CNGB3: variants seen among roughly 807,000 people sequenced by gnomAD.
The protein encoded by CNGB3 is cyclic nucleotide-gated channel beta-3.
CNGB3 carries 86 observed loss-of-function variants against 92.8 expected under a neutral mutation model. The observed-to-expected ratio is 0.93, with a 90% CI of 0.78 to 1.11. The LOEUF (loss-of-function observed/expected upper bound fraction) is 1.11. Among genes scored for constraint, CNGB3 ranks in the 50% least tolerant of loss-of-function variants. The pLI, the probability that CNGB3 is intolerant of heterozygous loss-of-function variation, is 0.00. For synonymous variants in CNGB3, 333 were observed against 332.7 expected, an observed-to-expected ratio of 1.00 and a Z score of -0.01; for missense variants, 1,026 against 956.8, an observed-to-expected ratio of 1.07 and a Z score of -0.95.
chr8:86,630,083 T>C (rs1462248764), intron 11 of CNGB3, among the ~76,000 whole-genome samples: 1 of 152,216 alleles, frequency 6.6e-6, no homozygotes, highest in Non-Finnish European at 1.5e-5. Flanking sequence ...TTTCCATTTT[T>C]AGAGCCAAAA....
chr8:86,690,957 T>A (rs565718230), intron 3 of CNGB3, among the ~76,000 whole-genome samples: 30 of 152,370 alleles, frequency 2.0e-4, no homozygotes, highest in African/African-American at 7.0e-4. Flanking sequence ...TTTTGGTTAC[T>A]GTAGCCTTGT....
At chr8:86,593,451 T>G (rs1350473610) in intron 15 of CNGB3, among the ~76,000 whole-genome samples, 1 of 152,218 alleles carries the variant, frequency 6.6e-6, no homozygotes, top group Middle Eastern at 3.2e-3. Context: ...TGTGAAATAT[T>G]TGTACAAAGT....
chr8:86,587,833 T>C (rs1392797770), intron 15 of CNGB3, among the ~76,000 whole-genome samples: 1 of 151,958 alleles, frequency 6.6e-6, no homozygotes, highest in Non-Finnish European at 1.5e-5. Context: ...TCTTTTTTGG[T>C]TCCATATGAA....
At position 86,590,495 on chromosome 8, in the gene CNGB3, G is replaced by A. The variant is rs1470018794; in HGVS notation, c.1782-11243C>T. Among the ~76,000 whole-genome samples the A allele has an allele frequency of 1.1e-4, 16 of 152,062 alleles. 1 individual carries two copies. The highest frequency in any genetic ancestry group is 1.9e-4 in the Non-Finnish European group (13 of 68,030). ...GCTGGTACCAGTTCTTCCTTTCCAT[G>A]TTTAGCGCTTCCTTCAGGAGCTCTT... On this transcript the variant is annotated intron_variant, in intron 15 of 17. Transcript: ENST00000320005.
intron 2 of CNGB3, among the ~76,000 whole-genome samples, chr8:86,727,195 A>G (rs1825075820): frequency 6.6e-6 from 1 of 152,176 alleles, no homozygotes; most frequent in African/African-American, 2.4e-5. Flanking sequence ...TATGCAGCAC[A>G]TGATTGTAAT....
In CNGB3 at chr8:86,644,614, T is replaced by C. The variant is rs1823261251; in HGVS notation, c.1055+8A>G. 1.9e-6 allele frequency: 3 copies of C among 1,600,798 alleles called. No homozygotes were observed. The African/African-American group carries it at 4.0e-5, about 21-fold the overall frequency. On this transcript the variant is annotated splice_region_variant and intron_variant, in intron 9 of 17. Coordinates refer to ENST00000320005, the MANE Select transcript of CNGB3 (RefSeq NM_019098.5). ...CCCTTCCCCCAAGTATACTGAGTTA[T>C]ACTTTACCTGTAGATATATGCTTTG...
At chr8:86,687,131 A>G (rs971516576) in intron 3 of CNGB3, among the ~76,000 whole-genome samples, 4 of 152,024 alleles carry the variant, frequency 2.6e-5, no homozygotes, top group African/African-American at 9.7e-5. Flanking sequence ...ATGGACAATA[A>G]GTGTTGGTGA....
intron 15 of CNGB3, among the ~76,000 whole-genome samples, chr8:86,589,016 T>G (rs908554415): frequency 2.6e-5 from 4 of 152,178 alleles, no homozygotes; most frequent in African/African-American, 9.6e-5. Flanking sequence ...CAATTTCAGA[T>G]CCTGTTATTG....
intron 3 of CNGB3, among the ~76,000 whole-genome samples, chr8:86,691,303 A>G (rs1824306878): frequency 2.0e-5 from 3 of 152,146 alleles, no homozygotes; most frequent in Admixed American, 6.5e-5. Context: ...TAGGTATACA[A>G]TCATATCATT....
chr8:86,713,999 C>T (rs113052597), intron 3 of CNGB3, among the ~76,000 whole-genome samples: 245 of 152,216 alleles, frequency 1.6e-3, no homozygotes, highest in African/African-American at 5.2e-3. Context: ...TTGTGACAAT[C>T]GGTACACCTG....
intron 3 of CNGB3, among the ~76,000 whole-genome samples, chr8:86,691,680 G>T (rs552871712): frequency 9.9e-5 from 15 of 152,140 alleles, no homozygotes; most frequent in South Asian, 2.1e-4. Context: ...AATAACCAGT[G>T]TTTTTGTTTC....
chr8:86,635,481 A>AT (rs1585983284), intron 10 of CNGB3, among the ~76,000 whole-genome samples: 1 of 151,812 alleles, frequency 6.6e-6, no homozygotes, highest in East Asian at 1.9e-4. Flanking sequence ...TTTGGCATGG[A>AT]TTTTCCAAAT....
chr8:86,626,971 A>G (rs1244921113), intron 12 of CNGB3, among the ~76,000 whole-genome samples: 3 of 151,842 alleles, frequency 2.0e-5, no homozygotes, highest in Non-Finnish European at 4.4e-5. Context: ...TTTAGTACCT[A>G]TTCATCGTTT....
At chr8:86,689,786 C>T (rs1319264474) in intron 3 of CNGB3, among the ~76,000 whole-genome samples, 1 of 151,880 alleles carries the variant, frequency 6.6e-6, no homozygotes, top group Non-Finnish European at 1.5e-5. Context: ...TGTTCAATTC[C>T]CACCTGTTGT....
rs146180996 is a variant in CNGB3 at position 86,576,167 on chromosome 8, C to T, written c.2104-37G>A. The T allele has an allele frequency of 1.8e-5, 29 of 1,595,302 alleles. No individual in the cohort carries two copies. The East Asian group carries it at 3.8e-4, about 21-fold the overall frequency. On this transcript the variant is annotated intron_variant, in intron 17 of 17. Transcript: ENST00000320005. ...AATTACAAAGAACTGGTGTTGAAAT[C>T]GTAATTAAAAACATTGGATTAGATT...
intron 15 of CNGB3, among the ~76,000 whole-genome samples, chr8:86,580,200 G>A (rs1295072917): frequency 6.8e-6 from 1 of 147,526 alleles, no homozygotes; most frequent in African/African-American, 2.5e-5. Context: ...CGGGGGGGGT[G>A]GCGGGGGGAA....
At chr8:86,685,486 G>A (rs1376963148) in intron 3 of CNGB3, among the ~76,000 whole-genome samples, 1 of 152,118 alleles carries the variant, frequency 6.6e-6, no homozygotes, top group Non-Finnish European at 1.5e-5. Context: ...ATGTTGGCAA[G>A]AGCCACACTT....
intron 14 of CNGB3, among the ~76,000 whole-genome samples, chr8:86,604,878 T>C (rs576419836): frequency 6.6e-6 from 1 of 152,210 alleles, no homozygotes; most frequent in Non-Finnish European, 1.5e-5. Context: ...TATAGCAGGA[T>C]GTATCAGGCT....
intron 15 of CNGB3, among the ~76,000 whole-genome samples, chr8:86,581,767 C>T (rs957198654): frequency 3.3e-5 from 5 of 152,084 alleles, no homozygotes; most frequent in East Asian, 1.9e-4. Context: ...ATAATACTAA[C>T]GAATTACAGC....
Sources: allele counts gnomAD v4.1 joint callset (sites outside exome capture counted in the v4.1 genomes callset), GRCh38; gene constraint gnomAD v4.1.1; transcripts MANE v1.5; gene names NCBI Gene and HGNC (gene_info 2026-07-23, HGNC 2026-07-21).